The following FABP6 variants were observed in gnomAD, a reference collection of about 807,000 sequenced individuals.
FABP6 encodes the protein gastrotropin.
Under a neutral mutation model 14.9 loss-of-function variants are expected in FABP6, and 13 were observed. The observed-to-expected ratio is 0.87, with a 90% CI of 0.57 to 1.39. The LOEUF (loss-of-function observed/expected upper bound fraction) is 1.39, where lower values mean the gene tolerates loss of function less well. Among genes scored for constraint, FABP6 ranks in the 40% most tolerant of loss-of-function variants. The probability of loss-of-function intolerance (pLI) is 0.00; values close to 1 mark genes in which losing one functional copy is unlikely to be tolerated. For missense variants in FABP6, 161 were observed against 167.2 expected (o/e 0.96, Z 0.20); for synonymous variants, 75 against 63.6 (o/e 1.18, Z -0.85).
intron 3 of FABP6, among the ~76,000 whole-genome samples, chr5:160,222,733 T>C (rs1359991631): frequency 6.6e-6 from 1 of 152,206 alleles, no homozygotes; most frequent in African/African-American, 2.4e-5. Flanking sequence ...ATTCTCAAGA[T>C]GGCCCAATTT....
At chr5:160,229,162 T>C (rs746060269), upstream of FABP6, among the ~76,000 whole-genome samples, 2 of 152,192 alleles carry the variant, frequency 1.3e-5, no homozygotes, top group Non-Finnish European at 2.9e-5. Flanking sequence ...TGGCCCTGCA[T>C]GCAGCAAGTG....
chr5:160,188,697 G>A (rs553145861), intron 1 of FABP6, among the ~76,000 whole-genome samples: 2 of 152,378 alleles, frequency 1.3e-5, no homozygotes, highest in Admixed American at 1.3e-4. Flanking sequence ...CGGGCTGTTA[G>A]CCACGTGCTG....
intron 2 of FABP6, among the ~76,000 whole-genome samples, chr5:160,201,395 G>A (rs1759636718): frequency 8.2e-6 from 1 of 121,438 alleles, no homozygotes; most frequent in African/African-American, 3.0e-5. Flanking sequence ...TAGTGGTTTC[G>A]TTTGCCTAGG....
intron 3 of FABP6, among the ~76,000 whole-genome samples, chr5:160,222,521 A>T (rs1356268531): frequency 6.6e-6 from 1 of 152,000 alleles, no homozygotes; most frequent in South Asian, 2.1e-4. Flanking sequence ...TTTACTAGAG[A>T]TGGGGTTCCG....
At chr5:160,229,250 T>C (rs1292057823), upstream of FABP6, among the ~76,000 whole-genome samples, 1 of 152,106 alleles carries the variant, frequency 6.6e-6, no homozygotes, top group African/African-American at 2.4e-5. Flanking sequence ...GGGCAGGGCA[T>C]GCGGGAACGG....
intron 2 of FABP6, among the ~76,000 whole-genome samples, chr5:160,233,357 G>A (rs1760434706): frequency 6.6e-6 from 1 of 152,054 alleles, no homozygotes; most frequent in South Asian, 2.1e-4. Flanking sequence ...CCTTGGCTGG[G>A]TTTGAAACCA....
At chr5:160,201,159 C>A (rs1331030040) in intron 2 of FABP6, among the ~76,000 whole-genome samples, 1 of 151,812 alleles carries the variant, frequency 6.6e-6, no homozygotes, top group Non-Finnish European at 1.5e-5. Context: ...AGTTCCAGAC[C>A]AGCCTTGGCA....
At chr5:160,198,881 C>T (rs1759569369) in intron 1 of FABP6, 1 of 571,372 alleles carries the variant, frequency 1.8e-6, no homozygotes, top group Non-Finnish European at 3.1e-6. Context: ...ACTTTATCTT[C>T]TTAATTCCTG....
intron 3 of FABP6, among the ~76,000 whole-genome samples, chr5:160,216,850 G>T (rs141290139): frequency 6.6e-6 from 1 of 152,242 alleles, no homozygotes; most frequent in Admixed American, 6.5e-5. Flanking sequence ...GTGCTTTGGG[G>T]TCATTCACTA....
chr5:160,214,857 A>T (rs1335173163), intron 3 of FABP6, among the ~76,000 whole-genome samples: 2 of 152,078 alleles, frequency 1.3e-5, no homozygotes, highest in African/African-American at 2.4e-5. Flanking sequence ...GAACAGGCAG[A>T]GACACAAAAC....
intron 1 of FABP6, among the ~76,000 whole-genome samples, chr5:160,188,982 T>G (rs1759345033): frequency 6.6e-6 from 1 of 152,152 alleles, no homozygotes; most frequent in African/African-American, 2.4e-5. Context: ...CTTTTTTTGT[T>G]TTTCTTTATT....
At chr5:160,234,955 G>A in intron 3 of FABP6, 46 bp downstream of exon 3, 1 of 1,560,178 alleles carries the variant, frequency 6.4e-7, no homozygotes, top group Non-Finnish European at 8.8e-7. Flanking sequence ...ATATTTGTCT[G>A]CCTCTTGGCC....
At chr5:160,215,300 G>T (rs1338952456) in intron 3 of FABP6, among the ~76,000 whole-genome samples, 1 of 152,164 alleles carries the variant, frequency 6.6e-6, no homozygotes, top group Non-Finnish European at 1.5e-5. Context: ...GATCACCTGA[G>T]GTCAGGAGTT....
intron 2 of FABP6, among the ~76,000 whole-genome samples, chr5:160,210,488 A>G (rs1049967932): frequency 1.3e-5 from 2 of 152,168 alleles, no homozygotes; most frequent in Admixed American, 1.3e-4. Context: ...CAAGTGGGGT[A>G]GATCATGTGG....
At chr5:160,190,793 C>T (rs2113049065) in intron 1 of FABP6, among the ~76,000 whole-genome samples, 1 of 152,140 alleles carries the variant, frequency 6.6e-6, no homozygotes, top group East Asian at 1.9e-4. Flanking sequence ...CCATAGAATG[C>T]TTTGGAAGTT....
intron 1 of FABP6, chr5:160,199,003 G>T: frequency 8.8e-7 from 1 of 1,140,334 alleles, no homozygotes; most frequent in Non-Finnish European, 1.3e-6. Flanking sequence ...CAATGAGATG[G>T]TCTCCAGAGC....
intron 3 of FABP6, among the ~76,000 whole-genome samples, chr5:160,215,219 A>G (rs944411435): frequency 3.3e-5 from 5 of 152,232 alleles, no homozygotes; most frequent in African/African-American, 1.2e-4. Context: ...TATGGCCATT[A>G]AAAGTGATGG....
chr5:160,229,702 A>G, intron 1 of FABP6, 78 bp downstream of exon 1: 2 of 1,292,812 alleles, frequency 1.5e-6, no homozygotes, highest in Non-Finnish European at 2.2e-6. Context: ...CTAAAGTAGA[A>G]TGGGACAGGA....
intron 1 of FABP6, among the ~76,000 whole-genome samples, chr5:160,192,438 C>T (rs1345004609): frequency 2.0e-5 from 3 of 152,286 alleles, no homozygotes; most frequent in African/African-American, 7.2e-5. Context: ...TCCATTCCTG[C>T]AGAAACCTTG....
Sources: allele counts gnomAD v4.1 joint callset (sites outside exome capture counted in the v4.1 genomes callset), GRCh38; gene constraint gnomAD v4.1.1; transcripts MANE v1.5; gene names NCBI Gene and HGNC (gene_info 2026-07-23, HGNC 2026-07-21).